Variants in LINGO2 observed in about 807,000 individuals in gnomAD.
LINGO2 encodes leucine-rich repeat and immunoglobulin-like domain-containing nogo receptor-interacting protein 2.
A neutral mutation model predicts 30.6 loss-of-function variants in LINGO2; 14 were observed. The observed-to-expected ratio is 0.46, with a 90% CI of 0.30 to 0.72. LINGO2 has a LOEUF of 0.72. LINGO2 is among the 30% of genes least tolerant of loss of function. The pLI is 0.07. For missense variants in LINGO2, 729 were observed against 751.7 expected (o/e 0.97, Z 0.35); for synonymous variants, 317 against 288.5 (o/e 1.10, Z -1.00).
chr9:28,336,763 G>A (rs146859404), intron 3 of LINGO2, among the ~76,000 whole-genome samples: 41 of 151,802 alleles, frequency 2.7e-4, no homozygotes, highest in Non-Finnish European at 5.2e-4. Context: ...TAAGCTGTTC[G>A]TTTAATCATT....
intron 4 of LINGO2, chr9:28,080,920 G>A (rs915238198): frequency 5.3e-5 from 8 of 152,326 alleles, no homozygotes; most frequent in Admixed American, 3.9e-4. Context: ...AAGTGAAAAC[G>A]GTGTTAGTCG....
At chr9:28,346,727 G>C (rs1040455863) in intron 3 of LINGO2, among the ~76,000 whole-genome samples, 1 of 151,872 alleles carries the variant, frequency 6.6e-6, no homozygotes, top group Non-Finnish European at 1.5e-5. Flanking sequence ...TAGCCATTCT[G>C]ACTGGTGTGG....
the LINGO2 span, among the ~76,000 whole-genome samples, chr9:29,089,036 T>C: frequency 6.6e-6 from 1 of 152,106 alleles, no homozygotes; most frequent in African/African-American, 2.4e-5. Context: ...ATATTTATTA[T>C]TGGAAGTAGT....
At chr9:28,820,395 C>T in the LINGO2 span, among the ~76,000 whole-genome samples, 4 of 152,092 alleles carry the variant, frequency 2.6e-5, no homozygotes, top group Admixed American at 2.6e-4. Context: ...CGGAATACAA[C>T]ATTCTAAATC....
At chr9:28,733,741 T>C in the LINGO2 span, among the ~76,000 whole-genome samples, 1 of 152,154 alleles carries the variant, frequency 6.6e-6, no homozygotes, top group South Asian at 2.1e-4. Flanking sequence ...TTACCAGTTA[T>C]ACTGACTTCT....
At chr9:28,679,183 G>A in the LINGO2 span, among the ~76,000 whole-genome samples, 1 of 151,938 alleles carries the variant, frequency 6.6e-6, no homozygotes, top group Non-Finnish European at 1.5e-5. Flanking sequence ...TTGTTAGTGA[G>A]TACAAAAACT....
At chr9:28,505,296 C>A (rs537300323) in intron 1 of LINGO2, among the ~76,000 whole-genome samples, 2 of 151,746 alleles carry the variant, frequency 1.3e-5, no homozygotes, top group African/African-American at 4.8e-5. Context: ...TCAGGTGGGG[C>A]CAAAGGTAAA....
chr9:28,933,441 T>C, the LINGO2 span, among the ~76,000 whole-genome samples: 11 of 152,222 alleles, frequency 7.2e-5, no homozygotes, highest in African/African-American at 2.4e-4. Flanking sequence ...TTTCCAAACA[T>C]ATTTTTTGAT....
chr9:28,330,538 G>T (rs1297265232), intron 3 of LINGO2, among the ~76,000 whole-genome samples: 1 of 152,046 alleles, frequency 6.6e-6, no homozygotes, highest in Non-Finnish European at 1.5e-5. Context: ...GACCCTAAGG[G>T]CTGTGCTTGG....
At chr9:28,697,068 G>T in the LINGO2 span, among the ~76,000 whole-genome samples, 1 of 151,908 alleles carries the variant, frequency 6.6e-6, no homozygotes, top group Non-Finnish European at 1.5e-5. Context: ...GAAGTGGGGT[G>T]TCATATTCTT....
At chr9:28,807,982 T>C in the LINGO2 span, among the ~76,000 whole-genome samples, 7 of 152,330 alleles carry the variant, frequency 4.6e-5, no homozygotes, top group South Asian at 1.4e-3. Flanking sequence ...ACTGACCTTA[T>C]TATTTACAAT....
intron 5 of LINGO2, among the ~76,000 whole-genome samples, chr9:27,961,840 C>G (rs897765078): frequency 2.0e-5 from 3 of 152,106 alleles, no homozygotes; most frequent in African/African-American, 7.2e-5. Context: ...AACAGAAATG[C>G]TTCACAGCCA....
chr9:28,351,952 C>G (rs1481032221), intron 3 of LINGO2, among the ~76,000 whole-genome samples: 8 of 151,206 alleles, frequency 5.3e-5, no homozygotes, highest in East Asian at 3.9e-4. Flanking sequence ...ATTCAACAAC[C>G]CTTCATGCTA....
At chr9:28,554,924 A>G (rs1431040104) in intron 1 of LINGO2, among the ~76,000 whole-genome samples, 1 of 132,972 alleles carries the variant, frequency 7.5e-6, no homozygotes, top group African/African-American at 3.2e-5. Flanking sequence ...TGAAGGCAGA[A>G]ATAAAGATGT....
intron 4 of LINGO2, among the ~76,000 whole-genome samples, chr9:28,048,717 G>T (rs942112363): frequency 1.3e-5 from 2 of 150,572 alleles, no homozygotes; most frequent in Non-Finnish European, 2.9e-5. Flanking sequence ...AAATGTCCAA[G>T]ATTAAAGGAA....
intron 1 of LINGO2, among the ~76,000 whole-genome samples, chr9:28,637,730 A>G (rs1445532358): frequency 2.0e-5 from 3 of 152,112 alleles, no homozygotes; most frequent in South Asian, 4.1e-4. Context: ...GGCTGAGACA[A>G]TGGGGTTTTC....
intron 3 of LINGO2, among the ~76,000 whole-genome samples, chr9:28,299,082 A>T (rs1324151616): frequency 6.6e-6 from 1 of 152,052 alleles, no homozygotes; most frequent in Non-Finnish European, 1.5e-5. Flanking sequence ...TAGGCTATTG[A>T]TTTGCACTTG....
intron 4 of LINGO2, among the ~76,000 whole-genome samples, chr9:28,066,049 C>T (rs1825304495): frequency 6.6e-6 from 1 of 151,924 alleles, no homozygotes; most frequent in African/African-American, 2.4e-5. Flanking sequence ...AAAAAAAGCA[C>T]ATTAGAGGGG....
intron 1 of LINGO2, among the ~76,000 whole-genome samples, chr9:28,640,172 G>A (rs1330508577): frequency 6.6e-6 from 1 of 152,170 alleles, no homozygotes; most frequent in Non-Finnish European, 1.5e-5. Flanking sequence ...GGCTTGTAGA[G>A]TTTCTGCCAA....
Sources: gnomAD v4.1 joint callset for allele counts (sites outside exome capture counted in the v4.1 genomes callset) on GRCh38, gnomAD v4.1.1 for gene constraint, MANE v1.5 for transcripts, NCBI Gene and HGNC (gene_info 2026-07-23, HGNC 2026-07-21) for gene names.